The following HRH1 variants were observed in gnomAD, a reference collection of about 807,000 sequenced individuals.
HRH1 encodes histamine receptor H1.
In HRH1, 6 loss-of-function variants were observed where a neutral mutation model predicts 10.3. That is an observed-to-expected ratio of 0.58 (90% CI 0.32 to 1.15). The LOEUF (loss-of-function observed/expected upper bound fraction) is 1.15. Ranked by LOEUF, HRH1 falls within the 50% of genes most tolerant of loss-of-function variation. The pLI is 0.05. For synonymous variants in HRH1, 242 were observed against 236.7 expected (o/e 1.02, Z -0.21); for missense variants, 514 against 615.3 (o/e 0.84, Z 1.74).
chr3:11,201,229 A>G (rs180951563), intron 1 of HRH1, among the ~76,000 whole-genome samples: 7 of 152,226 alleles, frequency 4.6e-5, no homozygotes, highest in South Asian at 2.1e-4. Flanking sequence ...CAATTGCCCT[A>G]CGGCCAGAGA....
chr3:11,198,168 T>G (rs1937745645), intron 1 of HRH1, among the ~76,000 whole-genome samples: 1 of 152,202 alleles, frequency 6.6e-6, no homozygotes, highest in Non-Finnish European at 1.5e-5. Context: ...AGCTGCAGTT[T>G]GCTGTTTGCA....
chr3:11,255,889 C>T (rs975283337), intron 1 of HRH1, among the ~76,000 whole-genome samples: 2 of 152,200 alleles, frequency 1.3e-5, no homozygotes, highest in South Asian at 2.1e-4. Context: ...TTTCCCTTTA[C>T]CTTAAGTGAT....
intron 1 of HRH1, among the ~76,000 whole-genome samples, chr3:11,232,558 G>A (rs1939070740): frequency 6.6e-6 from 1 of 152,132 alleles, no homozygotes; most frequent in South Asian, 2.1e-4. Flanking sequence ...TTGAAATTGG[G>A]TAGGTCGATT....
At chr3:11,149,415 A>C (rs1311340794) in intron 1 of HRH1, among the ~76,000 whole-genome samples, 3 of 152,226 alleles carry the variant, frequency 2.0e-5, no homozygotes, top group African/African-American at 7.2e-5. Context: ...CCTATGAAAA[A>C]ACTAGCTTGT....
At chr3:11,173,715 A>C (rs1211817259) in intron 1 of HRH1, among the ~76,000 whole-genome samples, 1 of 152,122 alleles carries the variant, frequency 6.6e-6, no homozygotes, top group Non-Finnish European at 1.5e-5. Context: ...TTGTGAATTT[A>C]TTTGATCTTG....
In HRH1 at chr3:11,147,938, T is replaced by G. The variant is rs113910445; in HGVS notation, c.-36+10539T>G. Reference sequence around the variant, plus strand: ...GGCTCACGCCTGTAATCCCAGCACTTTGAGAGGCCAAGGTGGGTGGATCAC... The same window carrying G: ...GGCTCACGCCTGTAATCCCAGCACTGTGAGAGGCCAAGGTGGGTGGATCAC... On this transcript the variant is annotated intron_variant, in intron 1 of 1. Coordinates refer to the HRH1 transcript ENST00000438284. 2.6e-5 allele frequency among the ~76,000 whole-genome samples: 4 copies of G among 152,172 alleles called. No individual in the cohort carries two copies. In the East Asian group the frequency reaches 7.8e-4, roughly 30 times the overall value.
At chr3:11,161,591 A>G (rs777373763) in intron 1 of HRH1, among the ~76,000 whole-genome samples, 49 of 152,170 alleles carry the variant, frequency 3.2e-4, no homozygotes, top group Non-Finnish European at 6.3e-4. Flanking sequence ...TGATGAGCCT[A>G]ACATGGGCCT....
At chr3:11,192,827 A>G (rs1344881327) in intron 1 of HRH1, among the ~76,000 whole-genome samples, 4 of 152,162 alleles carry the variant, frequency 2.6e-5, no homozygotes, top group African/African-American at 9.7e-5. Context: ...GATGGAACCC[A>G]GTCTTCTTAT....
At chr3:11,149,594 C>G (rs1213962483), upstream of HRH1, among the ~76,000 whole-genome samples, 1 of 152,206 alleles carries the variant, frequency 6.6e-6, no homozygotes, top group Non-Finnish European at 1.5e-5. Flanking sequence ...ATTCTATGTG[C>G]TCTTTTCCAT....
Position 11,259,096 on chromosome 3 carries a change from C to T in HRH1, c.59C>T (p.Thr20Ile). 6.2e-7 allele frequency: 1 copy of T among 1,613,530 alleles called. No individual in the cohort carries two copies. The highest frequency in any genetic ancestry group is 1.3e-5 in the African/African-American group (1 of 75,010). Reference sequence around the variant, plus strand: ...GACAAGATGTGTGAGGGCAACAAGACCACTATGGCCAGCCCCCAGCTGATG... The same window carrying T: ...GACAAGATGTGTGAGGGCAACAAGATCACTATGGCCAGCCCCCAGCTGATG... ...LEDKMCEGNKTTMASPQLMPL... is the reference protein window; with the variant it reads ...LEDKMCEGNKITMASPQLMPL... The change falls in exon 2 of 2, where the codon ACC becomes ATC. Residue 20 changes from threonine to isoleucine, a missense_variant. Transcript: ENST00000431010. This position sits in a 1 kb window ranked among gnomAD's most constrained non-coding sequence, Gnocchi z 4.6.
chr3:11,181,852 C>G (rs1020914172), intron 1 of HRH1, among the ~76,000 whole-genome samples: 1 of 152,060 alleles, frequency 6.6e-6, no homozygotes, highest in Admixed American at 6.5e-5. Flanking sequence ...AGGATGGTCT[C>G]GATCTCCTGA....
At chr3:11,243,623 C>T (rs1383618732) in intron 1 of HRH1, among the ~76,000 whole-genome samples, 1 of 152,222 alleles carries the variant, frequency 6.6e-6, no homozygotes, top group East Asian at 1.9e-4. Flanking sequence ...TCGTTCTGTG[C>T]TCTAGGCACT....
chr3:11,222,071 C>A (rs188361884), intron 1 of HRH1, among the ~76,000 whole-genome samples: 191 of 152,294 alleles, frequency 1.3e-3, no homozygotes, highest in Admixed American at 1.9e-3. Context: ...ATATCAGTTT[C>A]TCTTTAAAAG....
chr3:11,196,303 C>G (rs1937648289), intron 1 of HRH1, among the ~76,000 whole-genome samples: 1 of 152,186 alleles, frequency 6.6e-6, no homozygotes, highest in African/African-American at 2.4e-5. Context: ...CCTGGAGCAC[C>G]CTTTCCTCCC....
At chr3:11,140,899 C>T (rs1345996660) in intron 1 of HRH1, among the ~76,000 whole-genome samples, 2 of 152,270 alleles carry the variant, frequency 1.3e-5, no homozygotes, top group East Asian at 1.9e-4. Context: ...TGTACAGGCC[C>T]GTGTGTGTTT....
At chr3:11,245,885 C>T (rs1216301401) in intron 1 of HRH1, among the ~76,000 whole-genome samples, 1 of 152,056 alleles carries the variant, frequency 6.6e-6, no homozygotes, top group Non-Finnish European at 1.5e-5. Context: ...GAACTGTTTA[C>T]TCAAGGTGCA....
At chr3:11,251,456 G>A (rs1032548021) in intron 1 of HRH1, among the ~76,000 whole-genome samples, 3 of 152,196 alleles carry the variant, frequency 2.0e-5, no homozygotes, top group Non-Finnish European at 2.9e-5. Flanking sequence ...GCTTGATTTA[G>A]TGTAAACAAC....
Position 11,225,507 on chromosome 3 carries a change from T to C in HRH1, c.-35-33496T>C, listed in dbSNP as rs764544034. Reference sequence around the variant, plus strand: ...GAAGAGGAGACAGGTGAATGCCTCTTTGGAGCACTCAGTGACGGGAACATA... The same window carrying C: ...GAAGAGGAGACAGGTGAATGCCTCTCTGGAGCACTCAGTGACGGGAACATA... On this transcript the variant is annotated intron_variant, in intron 1 of 1. Coordinates refer to ENST00000431010, the MANE Select transcript of HRH1 (RefSeq NM_001098212.2). Among the ~76,000 whole-genome samples, 8 of 152,138 alleles carry C rather than the reference T, an allele frequency of 5.3e-5. No individual in the cohort carries two copies. In the South Asian group the frequency reaches 6.2e-4, roughly 12 times the overall value.
intron 1 of HRH1, among the ~76,000 whole-genome samples, chr3:11,250,138 G>A (rs12488873): frequency 0.074 from 10,304 of 139,644 alleles, 1,174 homozygotes; most frequent in African/African-American, 0.25. Context: ...CGACTCCCGC[G>A]TTCACGCCAT....
Sources: gnomAD v4.1 joint callset for allele counts (sites outside exome capture counted in the v4.1 genomes callset) on GRCh38, gnomAD v4.1.1 for gene constraint, Gnocchi (gnomAD v3.1) non-coding constraint, MANE v1.5 for transcripts, NCBI Gene and HGNC (gene_info 2026-07-23, HGNC 2026-07-21) for gene names.